Variants in ELP4 observed in about 807,000 individuals in gnomAD.
ELP4 encodes elongator acetyltransferase complex subunit 4, also known as elongator complex protein 4.
A neutral mutation model predicts 48.9 loss-of-function variants in ELP4; 51 were observed. The ratio of observed to expected loss-of-function variants is 1.04; its 90% CI spans 0.83 to 1.32. ELP4 has a LOEUF of 1.32. Among genes scored for constraint, ELP4 ranks in the 40% most tolerant of loss-of-function variants. The pLI is 0.00. For missense variants in ELP4, 519 were observed against 514.6 expected, an observed-to-expected ratio of 1.01 and a Z score of -0.08; for synonymous variants, 210 against 189.2, an observed-to-expected ratio of 1.11 and a Z score of -0.90.
chr11:31,709,320 G>A (rs1045306899), intron 9 of ELP4, among the ~76,000 whole-genome samples: 7 of 152,122 alleles, frequency 4.6e-5, no homozygotes, highest in African/African-American at 1.7e-4. Flanking sequence ...AAGGGTCTGT[G>A]TTTCCAAGAT....
At chr11:31,542,503 C>T (rs766151547) in intron 3 of ELP4, among the ~76,000 whole-genome samples, 2 of 152,150 alleles carry the variant, frequency 1.3e-5, no homozygotes, top group Admixed American at 6.5e-5. Flanking sequence ...AATTCCTGCT[C>T]CCACATGCCA....
At chr11:31,695,421 G>A (rs1296102542) in intron 9 of ELP4, among the ~76,000 whole-genome samples, 1 of 151,992 alleles carries the variant, frequency 6.6e-6, no homozygotes, top group Non-Finnish European at 1.5e-5. Context: ...ATAATTATGT[G>A]GTTTTTGTCT....
intron 9 of ELP4, among the ~76,000 whole-genome samples, chr11:31,677,706 G>C (rs190031302): frequency 6.6e-6 from 1 of 152,134 alleles, no homozygotes; most frequent in African/African-American, 2.4e-5. Flanking sequence ...ACTTTTTAAA[G>C]AGTTTTTAAA....
intron 3 of ELP4, among the ~76,000 whole-genome samples, chr11:31,592,484 A>G (rs879057661): frequency 4.0e-5 from 6 of 149,918 alleles, no homozygotes; most frequent in Non-Finnish European, 7.4e-5. Flanking sequence ...GTGTGTGTGT[A>G]TATATATATG....
At chr11:31,562,208 A>C (rs899531442) in intron 3 of ELP4, among the ~76,000 whole-genome samples, 1 of 152,214 alleles carries the variant, frequency 6.6e-6, no homozygotes, top group African/African-American at 2.4e-5. Context: ...ACTTTTCAAA[A>C]TGTGATAGTT....
intron 5 of ELP4, among the ~76,000 whole-genome samples, chr11:31,609,273 G>T (rs536244913): frequency 6.6e-6 from 1 of 152,114 alleles, no homozygotes; most frequent in Non-Finnish European, 1.5e-5. Context: ...GCACGATCTC[G>T]TTGGGCTTTA....
chr11:31,512,385 A>G (rs1415650232), intron 1 of ELP4: 1 of 152,238 alleles, frequency 6.6e-6, no homozygotes, highest in Non-Finnish European at 1.5e-5. Context: ...GGCATCATAC[A>G]TGCTAATTGT....
At chr11:31,599,987 A>T (rs1031374967) in intron 4 of ELP4, 1 of 152,158 alleles carries the variant, frequency 6.6e-6, no homozygotes, top group Non-Finnish European at 1.5e-5. Context: ...AGTTAACATA[A>T]TTGTGGCTTA....
chr11:31,725,265 C>G (rs927626085), intron 9 of ELP4, among the ~76,000 whole-genome samples: 1 of 152,194 alleles, frequency 6.6e-6, no homozygotes, highest in African/African-American at 2.4e-5. Context: ...TCCTCTCCTG[C>G]CCACAGTGGT....
At chr11:31,778,762 G>T (rs1948302524) in intron 9 of ELP4, among the ~76,000 whole-genome samples, 1 of 152,232 alleles carries the variant, frequency 6.6e-6, no homozygotes. Context: ...TCTGTGTCCA[G>T]TGCCCACAAG....
chr11:31,709,149 A>G (rs1265451537), intron 9 of ELP4, among the ~76,000 whole-genome samples: 3 of 152,160 alleles, frequency 2.0e-5, no homozygotes, highest in African/African-American at 7.2e-5. Context: ...GAAAGAATAT[A>G]AGTTCAAAAT....
At chr11:31,663,536 A>G (rs990379742) in intron 9 of ELP4, 6 of 152,018 alleles carry the variant, frequency 3.9e-5, no homozygotes, top group Non-Finnish European at 5.9e-5. Flanking sequence ...ACATTTCTAT[A>G]TTGGGCGTAA....
chr11:31,679,040 G>GT lies in ELP4; in HGVS notation c.1143+28826dup, dbSNP rs1471433211. Among the ~76,000 whole-genome samples, 3 of 152,112 alleles carry GT rather than the reference G, an allele frequency of 2.0e-5. No homozygotes were observed. In the South Asian group the frequency reaches 6.2e-4, roughly 32 times the overall value. On this transcript the variant is annotated intron_variant, in intron 9 of 9. Transcript: ENST00000640961. The stretch of plus-strand genomic sequence containing the variant: ...TATGATATGAAACTTCTTTTTATAT[G>GT]TTTTTTTGCCATCCATCTGTCTTCT...
chr11:31,559,660 T>C (rs1315643619), intron 3 of ELP4, among the ~76,000 whole-genome samples: 1 of 152,110 alleles, frequency 6.6e-6, no homozygotes, highest in Non-Finnish European at 1.5e-5. Context: ...TCCTAGCACT[T>C]TGGGAGGCTG....
At chr11:31,661,914 A>G (rs1042406467) in intron 9 of ELP4, among the ~76,000 whole-genome samples, 3 of 152,056 alleles carry the variant, frequency 2.0e-5, no homozygotes, top group Non-Finnish European at 4.4e-5. Context: ...TTATTTAAAT[A>G]CACATTATCA....
chr11:31,642,777 AT>A (rs1945126645), intron 7 of ELP4, among the ~76,000 whole-genome samples: 2 of 151,848 alleles, frequency 1.3e-5, no homozygotes, highest in Non-Finnish European at 2.9e-5. Flanking sequence ...ACTATCAAAT[AT>A]TTTTTAATAA....
intron 3 of ELP4, 80 bp downstream of exon 3, chr11:31,539,863 G>T: frequency 3.3e-6 from 4 of 1,222,210 alleles, no homozygotes; most frequent in Non-Finnish European, 4.4e-6. Context: ...CAAGATATAT[G>T]TTTGTATATA....
rs914236899 is a variant in ELP4 at position 31,760,182 on chromosome 11, T to G, written c.1144-23211T>G. Among the ~76,000 whole-genome samples, 10 of 152,330 alleles carry G rather than the reference T, an allele frequency of 6.6e-5. No homozygotes were observed. The East Asian group carries it at 1.9e-3, about 29-fold the overall frequency. ...AATTACATACCAACTTCTCCTCCAGTGCTAGGGAAAGAGAAGCTTACCTTA... is the reference window on the plus strand; with the variant it reads ...AATTACATACCAACTTCTCCTCCAGGGCTAGGGAAAGAGAAGCTTACCTTA... On this transcript the variant is annotated intron_variant, in intron 9 of 9. Coordinates refer to ENST00000640961, the MANE Select transcript of ELP4 (RefSeq NM_019040.5).
intron 3 of ELP4, among the ~76,000 whole-genome samples, chr11:31,547,981 A>T (rs1424238489): frequency 6.6e-6 from 1 of 152,148 alleles, no homozygotes; most frequent in Non-Finnish European, 1.5e-5. Flanking sequence ...TTGATGGGAC[A>T]TATCTCAAAA....
Sources: allele counts gnomAD v4.1 joint callset (sites outside exome capture counted in the v4.1 genomes callset), GRCh38; gene constraint gnomAD v4.1.1; transcripts MANE v1.5; gene names NCBI Gene and HGNC (gene_info 2026-07-23, HGNC 2026-07-21).